Variants in RBFOX1 observed in about 807,000 individuals in gnomAD.
RBFOX1 encodes RNA binding protein fox-1 homolog 1.
A neutral mutation model predicts 57.7 loss-of-function variants in RBFOX1; 8 were observed. The observed-to-expected ratio is 0.14, with a 90% CI of 0.08 to 0.25. The LOEUF is 0.25. RBFOX1 is among the 10% of genes least tolerant of loss of function. RBFOX1 has a pLI of 1.00. For synonymous variants in RBFOX1, 326 were observed against 222.4 expected, an observed-to-expected ratio of 1.47 and a Z score of -4.15; for missense variants, 611 against 548.5, an observed-to-expected ratio of 1.11 and a Z score of -1.14.
intron 10 of RBFOX1, among the ~76,000 whole-genome samples, chr16:7,620,349 A>C (rs904816389): frequency 1.3e-5 from 2 of 152,362 alleles, no homozygotes; most frequent in Admixed American, 1.3e-4. Flanking sequence ...AGTCAACTCA[A>C]CTTCCAGTCA....
At chr16:6,554,080 C>T (rs1446870575) in intron 2 of RBFOX1, among the ~76,000 whole-genome samples, 1 of 151,922 alleles carries the variant, frequency 6.6e-6, no homozygotes, top group Non-Finnish European at 1.5e-5. Context: ...CTTAACATAA[C>T]AGTTTAATGT....
intron 14 of RBFOX1, among the ~76,000 whole-genome samples, chr16:7,702,005 G>T (rs1302137753): frequency 6.6e-6 from 1 of 152,174 alleles, no homozygotes; most frequent in African/African-American, 2.4e-5. Flanking sequence ...GTTGGCACCT[G>T]TTGTCTCTCC....
chr16:6,924,169 A>AAAT (rs34239520), intron 3 of RBFOX1, among the ~76,000 whole-genome samples: 86,709 of 146,542 alleles, frequency 0.59, 25,612 homozygotes, highest in East Asian at 0.65. Context: ...TCTGTCTCAA[A>AAAT]AATAATAATA....
At chr16:7,674,944 A>C (rs2072820580) in intron 13 of RBFOX1, among the ~76,000 whole-genome samples, 2 of 152,222 alleles carry the variant, frequency 1.3e-5, no homozygotes. Flanking sequence ...GACCAAATTC[A>C]GTCACCAAAT....
At chr16:5,303,351 A>G (rs909334169) in intron 1 of RBFOX1, among the ~76,000 whole-genome samples, 2 of 152,234 alleles carry the variant, frequency 1.3e-5, no homozygotes, top group African/African-American at 4.8e-5. Flanking sequence ...GATAAGCCAT[A>G]CAAGCCTCCA....
intron 1 of RBFOX1, among the ~76,000 whole-genome samples, chr16:5,411,184 C>G (rs1395539560): frequency 6.6e-6 from 1 of 152,208 alleles, no homozygotes. Flanking sequence ...GATATCAACA[C>G]CTTAATCCCC....
intron 2 of RBFOX1, among the ~76,000 whole-genome samples, chr16:5,556,487 G>A (rs373645966): frequency 3.3e-5 from 5 of 152,182 alleles, no homozygotes; most frequent in Admixed American, 1.3e-4. Flanking sequence ...TTTTCCCCCC[G>A]CTTTTTCTAA....
chr16:6,239,323 C>T lies in RBFOX1; in HGVS notation c.-126-77672C>T, dbSNP rs114710078. ...TGTTGGGGTTATTTCTGGGCCCCAC[C>T]GTGTCCGAAGGGACCACAGTGTCCA... is the stretch of plus-strand genomic sequence containing the variant. On this transcript the variant is annotated intron_variant, in intron 1 of 15. Coordinates refer to ENST00000550418, the MANE Select transcript of RBFOX1 (RefSeq NM_018723.4). Among the ~76,000 whole-genome samples, 355 of 152,032 alleles carry T rather than the reference C, an allele frequency of 2.3e-3. 4 individuals are homozygous for T. The highest frequency in any genetic ancestry group is 7.6e-3 in the African/African-American group (316 of 41,482).
At chr16:5,273,154 T>A (rs1469899967) in intron 1 of RBFOX1, among the ~76,000 whole-genome samples, 1 of 152,010 alleles carries the variant, frequency 6.6e-6, no homozygotes, top group Non-Finnish European at 1.5e-5. Flanking sequence ...GAAATGGCTG[T>A]TGTATTAAAA....
At chr16:5,485,787 G>C (rs549446543) in intron 2 of RBFOX1, among the ~76,000 whole-genome samples, 1 of 152,332 alleles carries the variant, frequency 6.6e-6, no homozygotes, top group South Asian at 2.1e-4. Context: ...TGTGCCCCCT[G>C]TCTGGGAGCA....
chr16:7,587,962 T>G (rs1234107173), intron 7 of RBFOX1, among the ~76,000 whole-genome samples: 1 of 152,180 alleles, frequency 6.6e-6, no homozygotes, highest in Non-Finnish European at 1.5e-5. Flanking sequence ...GTGGATCACC[T>G]GAGGTCAGGA....
intron 4 of RBFOX1, among the ~76,000 whole-genome samples, chr16:5,954,391 C>A (rs2059583266): frequency 6.6e-6 from 1 of 151,916 alleles, no homozygotes; most frequent in Non-Finnish European, 1.5e-5. Flanking sequence ...CTTTCGCCAC[C>A]ACCGCTGGAC....
chr16:6,915,955 A>C (rs1202813426), intron 3 of RBFOX1, among the ~76,000 whole-genome samples: 2 of 152,170 alleles, frequency 1.3e-5, no homozygotes, highest in Non-Finnish European at 2.9e-5. Context: ...CTGAGAAACC[A>C]AAGTACAAGG....
chr16:5,708,530 C>T (rs74006213), intron 3 of RBFOX1, among the ~76,000 whole-genome samples: 142 of 152,252 alleles, frequency 9.3e-4, no homozygotes, highest in African/African-American at 2.5e-3. Flanking sequence ...TGATTTTTTG[C>T]GTATGTCATT....
chr16:5,820,119 C>T (rs1483213351), intron 3 of RBFOX1, among the ~76,000 whole-genome samples: 2 of 152,172 alleles, frequency 1.3e-5, no homozygotes, highest in Non-Finnish European at 2.9e-5. Context: ...ATATTTCTAC[C>T]ACCTCTAGGA....
intron 1 of RBFOX1, among the ~76,000 whole-genome samples, chr16:5,424,075 T>C (rs1400354513): frequency 6.6e-6 from 1 of 152,168 alleles, no homozygotes; most frequent in East Asian, 1.9e-4. Flanking sequence ...CCTTCAGATT[T>C]ATGTATTTGT....
At chr16:6,768,889 C>T (rs187818177) in intron 3 of RBFOX1, among the ~76,000 whole-genome samples, 21 of 152,004 alleles carry the variant, frequency 1.4e-4, no homozygotes, top group African/African-American at 3.4e-4. Flanking sequence ...CCGTCATGCT[C>T]GGCTAATTTT....
intron 3 of RBFOX1, among the ~76,000 whole-genome samples, chr16:6,938,715 T>A (rs73543256): frequency 2.0e-5 from 3 of 152,044 alleles, no homozygotes; most frequent in Non-Finnish European, 4.4e-5. Context: ...TCGAATCACT[T>A]GAGATCAGAA....
chr16:7,644,159 T>C (rs8044863), intron 11 of RBFOX1, among the ~76,000 whole-genome samples: 1,724 of 152,250 alleles, frequency 0.011, 34 homozygotes, highest in African/African-American at 0.04. Context: ...TCATAGGCTT[T>C]GGTGTCAGGC....
Sources: gnomAD v4.1 joint callset for allele counts (sites outside exome capture counted in the v4.1 genomes callset) on GRCh38, gnomAD v4.1.1 for gene constraint, MANE v1.5 for transcripts, NCBI Gene and HGNC (gene_info 2026-07-23, HGNC 2026-07-21) for gene names.